SPINT2: variants seen among roughly 807,000 people sequenced by gnomAD.
SPINT2 encodes the protein kunitz-type protease inhibitor 2.
SPINT2 carries 18 observed loss-of-function variants against 30.1 expected under a neutral mutation model. The observed-to-expected ratio is 0.60, with a 90% CI of 0.41 to 0.89. SPINT2 has a LOEUF of 0.89. Among genes scored for constraint, SPINT2 ranks in the 40% least tolerant of loss-of-function variants. The probability of loss-of-function intolerance (pLI) is 0.00; values close to 1 mark genes in which losing one functional copy is unlikely to be tolerated. For missense variants in SPINT2, 276 were observed against 334.3 expected (o/e 0.83, Z 1.36); for synonymous variants, 139 against 137.9 (o/e 1.01, Z -0.05).
At chr19:38,266,031 TCTC>T (rs1377283443) in intron 1 of SPINT2, among the ~76,000 whole-genome samples, 6 of 152,142 alleles carry the variant, frequency 3.9e-5, no homozygotes, top group Admixed American at 6.6e-5. Flanking sequence ...TCGGGGGACG[TCTC>T]CGTGAGGAGG....
chr19:38,285,285 G>C (rs2146276038), intron 2 of SPINT2, among the ~76,000 whole-genome samples: 1 of 152,278 alleles, frequency 6.6e-6, no homozygotes, highest in African/African-American at 2.4e-5. Flanking sequence ...GGCCCTTTGG[G>C]GCTGCTCCAT....
intron 1 of SPINT2, chr19:38,265,446 C>G (rs1968366812): frequency 6.5e-6 from 1 of 153,928 alleles, no homozygotes; most frequent in African/African-American, 2.4e-5. Flanking sequence ...CTCACCCCTG[C>G]CTCTTTGGAG....
intron 1 of SPINT2, 60 bp downstream of exon 1, chr19:38,265,058 C>T (rs1968361796): frequency 3.0e-6 from 3 of 1,005,454 alleles, no homozygotes; most frequent in Admixed American, 3.6e-5. Flanking sequence ...CGGGGGTCAA[C>T]GGGGGTCTGA....
chr19:38,265,085 G>T, intron 1 of SPINT2, 87 bp downstream of exon 1: 1 of 1,128,644 alleles, frequency 8.9e-7, no homozygotes. Flanking sequence ...AGAACTGGCG[G>T]GGGAGGAAAC....
chr19:38,272,260 G>A (rs533281030), intron 1 of SPINT2, among the ~76,000 whole-genome samples: 2 of 152,278 alleles, frequency 1.3e-5, no homozygotes, highest in East Asian at 3.9e-4. Flanking sequence ...CATTTAGAGT[G>A]TATGGCATGT....
intron 4 of SPINT2, 166 bp from the exon 5 acceptor site, chr19:38,289,953 C>T (rs1352213847): frequency 1.2e-5 from 9 of 746,230 alleles, no homozygotes; most frequent in Admixed American, 2.1e-5. Context: ...CAAGGAGCAG[C>T]GCGTCAGAGC....
chr19:38,265,017 G>A lies in SPINT2; in HGVS notation c.106+19G>A. ...ATCCACGGTGAGGGCCGGGCGGGTA[G>A]GCTGGAGGCGGGGCGCAGGGGGCAG... On this transcript the variant is annotated intron_variant, in intron 1 of 6. Transcript: ENST00000301244. 6.5e-7 allele frequency: 1 copy of A among 1,526,972 alleles called. No individual in the cohort carries two copies. Among genetic ancestry groups the A allele is most frequent in the South Asian group, 1.2e-5 (1 of 83,310 alleles). The allele number at this position is 1,526,972 out of a possible 1,614,324, so 94.6% of individuals were successfully genotyped here.
At chr19:38,265,316 C>A in intron 1 of SPINT2, 1 of 214,356 alleles carries the variant, frequency 4.7e-6, no homozygotes, top group East Asian at 1.1e-4. Flanking sequence ...AATTGAAGAC[C>A]AGCCTTCTCC....
intron 1 of SPINT2, among the ~76,000 whole-genome samples, chr19:38,276,900 A>G (rs1185364594): frequency 6.6e-6 from 1 of 151,298 alleles, no homozygotes; most frequent in East Asian, 2.0e-4. Context: ...TCTTGGGTTC[A>G]AGCGATTCTC....
Position 38,290,019 on chromosome 19 carries a change from C to T in SPINT2, c.392-100C>T. On this transcript the variant is annotated intron_variant, in intron 4 of 6. Coordinates refer to ENST00000301244, the MANE Select transcript of SPINT2 (RefSeq NM_021102.4). The surrounding 1 kb of genome is among the most constrained non-coding windows in gnomAD (Gnocchi z 4.3). ...GCTTCTTTACCAGAGAGATGTTTCT[C>T]CGTCTGCTGGAGCCGCAAGCCTCCT... 2 of 1,289,596 alleles carry T rather than the reference C, an allele frequency of 1.6e-6. No individual in the cohort carries two copies. Among genetic ancestry groups the T allele is most frequent in the South Asian group, 2.4e-5 (2 of 83,754 alleles). 79.9% of individuals were successfully genotyped at this position (1,289,596 alleles called of 1,614,324 possible).
chr19:38,282,604 A>G (rs1282515372), intron 1 of SPINT2, among the ~76,000 whole-genome samples: 1 of 152,212 alleles, frequency 6.6e-6, no homozygotes, highest in African/African-American at 2.4e-5. Context: ...CTGGAATTTT[A>G]TAACATTGGC....
intron 1 of SPINT2, 47 bp downstream of exon 1, chr19:38,265,045 G>A: frequency 6.8e-7 from 1 of 1,472,588 alleles, no homozygotes; most frequent in Non-Finnish European, 9.1e-7. Context: ...GGGGGCAGAG[G>A]CTCGGGGGTC....
At chr19:38,282,876 C>T (rs1968595389) in intron 1 of SPINT2, among the ~76,000 whole-genome samples, 1 of 152,194 alleles carries the variant, frequency 6.6e-6, no homozygotes, top group South Asian at 2.1e-4. Context: ...TGAGGACTAC[C>T]GAGGGTGCTG....
Position 38,264,876 on chromosome 19 carries a change from T to A in SPINT2, c.-17T>A. 1 of 1,532,262 alleles carries A rather than the reference T, an allele frequency of 6.5e-7. No homozygotes were observed. 94.9% of individuals were successfully genotyped at this position (1,532,262 alleles called of 1,614,324 possible). A position where few individuals can be genotyped will look rare whatever the true frequency, so the allele number is the denominator to read the frequency against. On this transcript the variant is annotated 5_prime_UTR_variant, in exon 1 of 7. Transcript: ENST00000301244. ...AACGGCTGGTGGCGTCGCCTGCGCG[T>A]CTCGGCTGAGCTGGCCATGGCGCAG...
intron 1 of SPINT2, among the ~76,000 whole-genome samples, chr19:38,271,998 T>TG (rs1230829861): frequency 2.6e-5 from 4 of 152,128 alleles, no homozygotes; most frequent in African/African-American, 9.6e-5. Flanking sequence ...CCCAGCACTT[T>TG]GGGGGGCTGA....
chr19:38,266,476 C>T (rs1968380346), intron 1 of SPINT2, among the ~76,000 whole-genome samples: 1 of 151,910 alleles, frequency 6.6e-6, no homozygotes, highest in African/African-American at 2.4e-5. Flanking sequence ...AGGAGTTCAA[C>T]ACCACCCTAG....
rs60233780 is a variant in SPINT2, at chr19:38,289,877, G to T, written c.392-242G>T. The T allele has an allele frequency of 4.1e-3, 2,355 of 569,744 alleles. 55 individuals carry two copies. Among genetic ancestry groups the T allele is most frequent in the African/African-American group, 0.041 (2,180 of 53,370 alleles). 35.3% of individuals were successfully genotyped at this position (569,744 alleles called of 1,614,324 possible). ...TCTCATAGAGACTCAGCCACTGCAT[G>T]TAAAAGGCCTAGAACAGGGCTTGGC... On this transcript the variant is annotated intron_variant, in intron 4 of 6. Coordinates refer to ENST00000301244, the MANE Select transcript of SPINT2 (RefSeq NM_021102.4).
rs554279111 is a variant in SPINT2, at chr19:38,289,738, G to A, written c.392-381G>A. 3 of 330,094 alleles carry A rather than the reference G, an allele frequency of 9.1e-6. No individual in the cohort carries two copies. In the East Asian group the frequency reaches 2.3e-4, roughly 26 times the overall value. The allele number at this position is 330,094 out of a possible 1,614,324, so 20.4% of individuals were successfully genotyped here. ...GTGCGTTAGAGGCGTAGCCTGGCAC[G>A]TGGCTCTGCAATTTACATTGTCCCT... On this transcript the variant is annotated intron_variant, in intron 4 of 6. Transcript: ENST00000301244.
In SPINT2 at chr19:38,290,797, G is replaced by GTCACCCAC; in HGVS notation, c.592+222_592+223insTCACCCAC. The GTCACCCAC allele has an allele frequency of 1.5e-6, 1 of 659,016 alleles. No individual in the cohort carries two copies. The highest frequency in any genetic ancestry group is 2.7e-6 in the Non-Finnish European group (1 of 374,724). The allele number at this position is 659,016 out of a possible 1,614,324, so 40.8% of individuals were successfully genotyped here. ...TCAGTCACAAGGCAGGCCCTGCCCA[G>GTCACCCAC]GCGGCGTGGGTGACTGGGGATGAGG... On this transcript the variant is annotated intron_variant, in intron 6 of 6. Transcript: ENST00000301244. The surrounding 1 kb of genome is among the most constrained non-coding windows in gnomAD (Gnocchi z 4.3).
Sources: gnomAD v4.1 joint callset for allele counts (sites outside exome capture counted in the v4.1 genomes callset) on GRCh38, gnomAD v4.1.1 for gene constraint, Gnocchi (gnomAD v3.1) non-coding constraint, MANE v1.5 for transcripts, NCBI Gene and HGNC (gene_info 2026-07-23, HGNC 2026-07-21) for gene names.